The following SLC6A16 variants were observed in gnomAD, a reference collection of about 807,000 sequenced individuals.
SLC6A16 encodes the protein solute carrier family 6 member 16, also known as orphan sodium- and chloride-dependent neurotransmitter transporter NTT5.
SLC6A16 carries 54 observed loss-of-function variants against 65.4 expected under a neutral mutation model. The ratio of observed to expected loss-of-function variants is 0.83; its 90% CI spans 0.66 to 1.04. SLC6A16 has a LOEUF of 1.04. SLC6A16 is among the 50% of genes least tolerant of loss of function. The probability of loss-of-function intolerance (pLI) is 0.00; values close to 1 mark genes in which losing one functional copy is unlikely to be tolerated. For missense variants in SLC6A16, 816 were observed against 914.0 expected, an observed-to-expected ratio of 0.89 and a Z score of 1.38; for synonymous variants, 330 against 346.5, an observed-to-expected ratio of 0.95 and a Z score of 0.53.
chr19:49,324,754 T>C (rs577300578), intron 1 of SLC6A16, among the ~76,000 whole-genome samples: 2 of 152,352 alleles, frequency 1.3e-5, no homozygotes, highest in African/African-American at 2.4e-5. Flanking sequence ...TTGACACTGA[T>C]GGCTTTCCCC....
intron 1 of SLC6A16, among the ~76,000 whole-genome samples, chr19:49,312,221 A>AAAACT (rs894592236): frequency 2.0e-5 from 3 of 152,300 alleles, no homozygotes; most frequent in East Asian, 1.9e-4. Flanking sequence ...ATTTAAAAAC[A>AAAACT]AAACTAAACT....
chr19:49,294,096 T>A (rs1468491210), intron 8 of SLC6A16, 68 bp from the exon 9 acceptor site: 2 of 1,321,846 alleles, frequency 1.5e-6, no homozygotes, highest in Non-Finnish European at 2.1e-6. Context: ...TATAGACAAG[T>A]ATACATTCTA....
chr19:49,328,563 T>A (rs1266529388), upstream of SLC6A16, among the ~76,000 whole-genome samples: 1 of 152,126 alleles, frequency 6.6e-6, no homozygotes, highest in Admixed American at 6.6e-5. Flanking sequence ...GCAATGGAGA[T>A]GGTGAAAAGT....
At position 49,322,817 on chromosome 19, in the gene SLC6A16, C is replaced by CTTTTT. The variant is rs536909742; in HGVS notation, c.-65+2226_-65+2230dup. Among the ~76,000 whole-genome samples the CTTTTT allele has an allele frequency of 9.5e-5, 4 of 42,006 alleles. 2 individuals carry two copies. Among genetic ancestry groups the CTTTTT allele is most frequent in the Non-Finnish European group, 9.0e-5 (2 of 22,318 alleles). The allele number at this position is 42,006 out of a possible 152,430, so 27.6% of individuals were successfully genotyped here. On this transcript the variant is annotated intron_variant, in intron 1 of 11. Transcript: ENST00000335875. ...CCAAAGCAATCTACAGAATTAGTAGCTTTTTTTTTTTTTTTTTTTTTTTTT... is the reference window on the plus strand; with the variant it reads ...CCAAAGCAATCTACAGAATTAGTAGCTTTTTTTTTTTTTTTTTTTTTTTTTTTTTT...
At chr19:49,294,596 T>G in intron 7 of SLC6A16, 43 bp from the exon 8 acceptor site, 3 of 1,492,026 alleles carry the variant, frequency 2.0e-6, no homozygotes, top group Non-Finnish European at 2.7e-6. Flanking sequence ...TTTGGCCCAG[T>G]AGGAGATAGT....
In SLC6A16 at chr19:49,309,774, G is replaced by T; in HGVS notation, c.753C>A (p.Ala251=). The T allele has an allele frequency of 6.2e-7, 1 of 1,614,044 alleles. No individual in the cohort carries two copies. ...TPSIYFWYQQ[A]LKASDRIEDG... ...CCTCGATTCTGTCTGAGGCCTTCAAGGCCTGCTGGTACCAGAAGTATATGG... is the reference window on the plus strand; with the variant it reads ...CCTCGATTCTGTCTGAGGCCTTCAATGCCTGCTGGTACCAGAAGTATATGG... The change falls in exon 5 of 12, where the codon GCC becomes GCA. Residue 251 remains alanine, a synonymous_variant. Coordinates refer to ENST00000335875, the MANE Select transcript of SLC6A16 (RefSeq NM_014037.3).
chr19:49,294,115 G>T, intron 8 of SLC6A16, 87 bp from the exon 9 acceptor site: 1 of 1,203,126 alleles, frequency 8.3e-7, no homozygotes, highest in Non-Finnish European at 1.2e-6. Context: ...TATCTTCCCT[G>T]GAAAACTCCT....
the SLC6A16 span, chr19:49,335,385 G>A: frequency 2.0e-5 from 13 of 655,372 alleles, no homozygotes; most frequent in Non-Finnish European, 3.2e-5. The surrounding 1 kb of genome is among the most constrained non-coding windows in gnomAD (Gnocchi z 4.6). Flanking sequence ...GGAGTGGGTG[G>A]AGCCCCACCC....
the SLC6A16 span, chr19:49,337,832 A>G: frequency 6.3e-6 from 10 of 1,587,006 alleles, no homozygotes; most frequent in Non-Finnish European, 7.7e-6. Flanking sequence ...ACTGGCCCAG[A>G]GATGCACAGG....
At chr19:49,298,042 G>C (rs74564035) in intron 7 of SLC6A16, among the ~76,000 whole-genome samples, 2,231 of 152,198 alleles carry the variant, frequency 0.015, 58 homozygotes, top group African/African-American at 0.051. Flanking sequence ...GACAATATGT[G>C]AACAAACAAT....
At chr19:49,293,446 G>A in intron 9 of SLC6A16, 64 bp from the exon 10 acceptor site, 1 of 1,526,736 alleles carries the variant, frequency 6.5e-7, no homozygotes, top group South Asian at 1.1e-5. Flanking sequence ...GGGCTAAGTA[G>A]AGGCCATAGA....
intron 1 of SLC6A16, among the ~76,000 whole-genome samples, chr19:49,321,033 C>A (rs10422677): frequency 5.9e-5 from 9 of 151,868 alleles, no homozygotes; most frequent in Non-Finnish European, 1.3e-4. Context: ...TGCCCTAATA[C>A]CAGAGCCATA....
chr19:49,325,085 C>G lies in SLC6A16; in HGVS notation c.-102G>C, dbSNP rs1469827436. The G allele has an allele frequency of 8.1e-6, 8 of 985,642 alleles. No homozygotes were observed. The highest frequency in any genetic ancestry group is 9.6e-6 in the Non-Finnish European group (8 of 830,090). 61.1% of individuals were successfully genotyped at this position (985,642 alleles called of 1,614,324 possible). On this transcript the variant is annotated 5_prime_UTR_variant, in exon 1 of 12. Coordinates refer to ENST00000335875, the MANE Select transcript of SLC6A16 (RefSeq NM_014037.3). ...GCTTCTGCCAGGTTCTTCAGTCCAG[C>G]CAGTCGGACAAAAATGAGGGTGAAG...
At chr19:49,299,103 G>A (rs1401733497) in intron 7 of SLC6A16, among the ~76,000 whole-genome samples, 3 of 151,936 alleles carry the variant, frequency 2.0e-5, no homozygotes, top group East Asian at 1.9e-4. Context: ...AAAATTAGCC[G>A]GGCATGGTGG....
At chr19:49,332,468 G>A in the SLC6A16 span, 1 of 362,666 alleles carries the variant, frequency 2.8e-6, no homozygotes, top group Non-Finnish European at 5.4e-6. Context: ...CTGAGGCAGA[G>A]AATTGCTTGA....
chr19:49,307,573 G>A (rs1341226925), intron 7 of SLC6A16, among the ~76,000 whole-genome samples: 1 of 151,824 alleles, frequency 6.6e-6, no homozygotes, highest in Non-Finnish European at 1.5e-5. Context: ...GCTCACGCCT[G>A]TAATCCCAGC....
At chr19:49,321,633 G>A (rs1970712723) in intron 1 of SLC6A16, among the ~76,000 whole-genome samples, 1 of 152,160 alleles carries the variant, frequency 6.6e-6, no homozygotes. Context: ...CTACTTGGGA[G>A]GCTAAGGCTG....
upstream of SLC6A16, among the ~76,000 whole-genome samples, chr19:49,326,325 C>T (rs1395432795): frequency 6.6e-6 from 1 of 152,106 alleles, no homozygotes; most frequent in Non-Finnish European, 1.5e-5. Flanking sequence ...TGTCTTGTAG[C>T]TTCTGGCAAA....
chr19:49,326,871 G>A (rs1424196064), upstream of SLC6A16, among the ~76,000 whole-genome samples: 1 of 151,302 alleles, frequency 6.6e-6, no homozygotes, highest in East Asian at 2.0e-4. Context: ...ATACAAAAAC[G>A]AGCCAGGTGT....
Sources: gnomAD v4.1 joint callset for allele counts (sites outside exome capture counted in the v4.1 genomes callset) on GRCh38, gnomAD v4.1.1 for gene constraint, Gnocchi (gnomAD v3.1) non-coding constraint, MANE v1.5 for transcripts, NCBI Gene and HGNC (gene_info 2026-07-23, HGNC 2026-07-21) for gene names.